The following RBFOX1 variants were observed in gnomAD, a reference collection of about 807,000 sequenced individuals.
RBFOX1 encodes RNA binding fox-1 homolog 1, also known as RNA binding protein fox-1 homolog 1.
RBFOX1 carries 8 observed loss-of-function variants against 57.7 expected under a neutral mutation model. The ratio of observed to expected loss-of-function variants is 0.14; its 90% CI spans 0.08 to 0.25. RBFOX1 has a LOEUF of 0.25. Ranked by LOEUF, RBFOX1 falls within the 10% of genes least tolerant of loss-of-function variation. The probability of loss-of-function intolerance (pLI) is 1.00; values close to 1 mark genes in which losing one functional copy is unlikely to be tolerated. For synonymous variants in RBFOX1, 326 were observed against 222.4 expected (o/e 1.47, Z -4.15); for missense variants, 611 against 548.5 (o/e 1.11, Z -1.14).
At chr16:6,698,334 A>C (rs1403872153) in intron 3 of RBFOX1, among the ~76,000 whole-genome samples, 1 of 152,172 alleles carries the variant, frequency 6.6e-6, no homozygotes, top group East Asian at 1.9e-4. Flanking sequence ...AGGATGTGGG[A>C]AAGTCTGCAT....
chr16:6,309,261 C>A (rs895176878), intron 1 of RBFOX1, among the ~76,000 whole-genome samples: 1 of 152,092 alleles, frequency 6.6e-6, no homozygotes. Context: ...TTACACACAC[C>A]CTGTTATCTC....
chr16:7,211,618 C>T (rs1254885035), intron 4 of RBFOX1, among the ~76,000 whole-genome samples: 1 of 152,014 alleles, frequency 6.6e-6, no homozygotes, highest in Admixed American at 6.5e-5. Flanking sequence ...AGAGGCACAC[C>T]TAGTAAGCAA....
chr16:5,894,193 CTG>C (rs200827535), intron 4 of RBFOX1, among the ~76,000 whole-genome samples: 1,562 of 152,336 alleles, frequency 0.01, 28 homozygotes, highest in African/African-American at 0.035. Context: ...TCACACCACT[CTG>C]TTTCTTTTAG....
intron 3 of RBFOX1, among the ~76,000 whole-genome samples, chr16:7,043,256 G>T (rs917017860): frequency 6.6e-6 from 1 of 152,110 alleles, no homozygotes. Context: ...AGCACCCCTG[G>T]AACCCTGTTT....
intron 1 of RBFOX1, among the ~76,000 whole-genome samples, chr16:6,272,128 A>C (rs1164049023): frequency 6.6e-6 from 1 of 152,192 alleles, no homozygotes; most frequent in Admixed American, 6.5e-5. Flanking sequence ...GGGGATGTTA[A>C]CACTGGTTCA....
chr16:6,932,540 C>G (rs539586699), intron 3 of RBFOX1, among the ~76,000 whole-genome samples: 2 of 152,156 alleles, frequency 1.3e-5, no homozygotes, highest in African/African-American at 4.8e-5. Context: ...CCAAGTGTCT[C>G]ACCTATATGG....
At chr16:6,972,904 A>C (rs2085904668) in intron 3 of RBFOX1, among the ~76,000 whole-genome samples, 1 of 152,192 alleles carries the variant, frequency 6.6e-6, no homozygotes, top group South Asian at 2.1e-4. Flanking sequence ...TGGGTGGATC[A>C]CTTGAGGTCA....
At chr16:7,157,569 G>A (rs553761863) in intron 4 of RBFOX1, among the ~76,000 whole-genome samples, 1 of 152,036 alleles carries the variant, frequency 6.6e-6, no homozygotes, top group Non-Finnish European at 1.5e-5. Flanking sequence ...TTAAGTCCAG[G>A]CACGTGAAAA....
chr16:5,813,069 G>A (rs1032189351), intron 3 of RBFOX1, among the ~76,000 whole-genome samples: 47 of 149,086 alleles, frequency 3.2e-4, no homozygotes, highest in Admixed American at 8.0e-4. Flanking sequence ...GTGCAGTGGT[G>A]CAATCTTGGC....
intron 1 of RBFOX1, among the ~76,000 whole-genome samples, chr16:5,392,859 C>G (rs1213782698): frequency 1.3e-5 from 2 of 152,194 alleles, no homozygotes; most frequent in African/African-American, 2.4e-5. Flanking sequence ...TCTCCTCTGT[C>G]TGCAACTTGG....
intron 3 of RBFOX1, among the ~76,000 whole-genome samples, chr16:5,853,472 G>C (rs756175967): frequency 6.6e-6 from 1 of 152,198 alleles, no homozygotes; most frequent in Non-Finnish European, 1.5e-5. Context: ...TCGGACACAG[G>C]CCCCAGCCAG....
At chr16:7,575,835 C>G (rs1602266367) in intron 5 of RBFOX1, among the ~76,000 whole-genome samples, 1 of 152,210 alleles carries the variant, frequency 6.6e-6, no homozygotes, top group Non-Finnish European at 1.5e-5. Context: ...GTGATGATCT[C>G]TAACCCCAAC....
chr16:6,068,023 T>G (rs1417266812), intron 1 of RBFOX1, among the ~76,000 whole-genome samples: 1 of 152,218 alleles, frequency 6.6e-6, no homozygotes, highest in East Asian at 1.9e-4. Flanking sequence ...ATGACCAAGA[T>G]TTCCTCGATT....
chr16:6,180,716 C>T (rs1404789974), intron 1 of RBFOX1, among the ~76,000 whole-genome samples: 4 of 151,950 alleles, frequency 2.6e-5, no homozygotes, highest in African/African-American at 9.7e-5. Flanking sequence ...CAGGCACCCG[C>T]CACCACACCC....
intron 3 of RBFOX1, among the ~76,000 whole-genome samples, chr16:5,650,642 G>A (rs1283891665): frequency 6.6e-6 from 1 of 152,114 alleles, no homozygotes; most frequent in African/African-American, 2.4e-5. Context: ...AACACCAGAG[G>A]GGAGGGAATG....
chr16:7,493,886 A>G (rs2151616260), intron 4 of RBFOX1, among the ~76,000 whole-genome samples: 1 of 152,358 alleles, frequency 6.6e-6, no homozygotes, highest in African/African-American at 2.4e-5. Flanking sequence ...CATCATCATT[A>G]TCGTCATCTC....
intron 4 of RBFOX1, among the ~76,000 whole-genome samples, chr16:7,367,448 C>T (rs950846686): frequency 2.6e-5 from 4 of 152,164 alleles, no homozygotes; most frequent in Admixed American, 6.5e-5. Flanking sequence ...GTTTGATTTG[C>T]ACTCTGTTGT....
chr16:6,526,233 G>A (rs115186061), intron 2 of RBFOX1, among the ~76,000 whole-genome samples: 1 of 152,200 alleles, frequency 6.6e-6, no homozygotes, highest in Admixed American at 6.5e-5. Context: ...TCACCCCAAT[G>A]TTTCTGCCAC....
At chr16:6,869,874 C>T (rs559977239) in intron 3 of RBFOX1, among the ~76,000 whole-genome samples, 3 of 152,102 alleles carry the variant, frequency 2.0e-5, no homozygotes, top group Admixed American at 1.3e-4. Context: ...CTGTTCAGAA[C>T]GTATATGTCT....
Sources: gnomAD v4.1 joint callset for allele counts (sites outside exome capture counted in the v4.1 genomes callset) on GRCh38, gnomAD v4.1.1 for gene constraint, MANE v1.5 for transcripts, NCBI Gene and HGNC (gene_info 2026-07-23, HGNC 2026-07-21) for gene names.